LTA4H: variants seen among roughly 807,000 people sequenced by gnomAD.
LTA4H encodes the protein leukotriene A4 hydrolase, also known as leukotriene A-4 hydrolase.
In LTA4H, 59 loss-of-function variants were observed where a neutral mutation model predicts 89.8. That is an observed-to-expected ratio of 0.66 (90% CI 0.53 to 0.82). LTA4H has a LOEUF of 0.82. LTA4H is among the 40% of genes least tolerant of loss of function. LTA4H has a pLI of 0.00. For missense variants in LTA4H, 617 were observed against 727.0 expected (o/e 0.85, Z 1.74); for synonymous variants, 227 against 253.1 (o/e 0.90, Z 0.98).
intron 10 of LTA4H, 85 bp from the exon 11 acceptor site, chr12:96,015,779 C>G (rs1950365527): frequency 1.1e-6 from 1 of 943,050 alleles, no homozygotes; most frequent in South Asian, 1.5e-5. Flanking sequence ...TTTGGCTTTT[C>G]TACAGAGGAA....
exon 1 of LTA4H, chr12:96,043,330 G>A: frequency 6.5e-7 from 1 of 1,535,478 alleles, no homozygotes; most frequent in Non-Finnish European, 8.7e-7. Context: ...ACTGGGATAT[G>A]CATGGTCGGT....
rs1950488126 is a variant in LTA4H at position 96,024,348 on chromosome 12, ATAT to A, written c.480+128_480+130del. On this transcript the variant is annotated intron_variant, in intron 4 of 18. Coordinates refer to ENST00000228740, the MANE Select transcript of LTA4H (RefSeq NM_000895.3). The stretch of plus-strand genomic sequence containing the variant: ...TGAGTGCCACAGCCTCTTTGTTTAC[ATAT>A]TTCAGGTAGAATTTCATTAAGAAAA... The A allele has an allele frequency of 3.8e-5, 21 of 552,812 alleles. 2 individuals carry two copies. The South Asian group carries it at 5.0e-4, about 13-fold the overall frequency. 34.2% of individuals were successfully genotyped at this position (552,812 alleles called of 1,614,324 possible). A position where few individuals can be genotyped will look rare whatever the true frequency, so the allele number is the denominator to read the frequency against.
chr12:96,024,472 T>A lies in LTA4H; in HGVS notation c.480+7A>T, dbSNP rs201249925. 1 of 1,560,890 alleles carries A rather than the reference T, an allele frequency of 6.4e-7. No homozygotes were observed. The highest frequency in any genetic ancestry group is 1.4e-5 in the African/African-American group (1 of 74,012). ...ATTTAATTGAGTTAATAATTCGTAA[T>A]ATTTACCTCTGCAGTATAGGTTAAT... On this transcript the variant is annotated splice_region_variant and intron_variant, in intron 4 of 18. Transcript: ENST00000228740.
intron 17 of LTA4H, 94 bp downstream of exon 17, chr12:96,003,744 C>G: frequency 1.4e-6 from 1 of 715,970 alleles, no homozygotes; most frequent in Non-Finnish European, 2.3e-6. Flanking sequence ...TCTCAAGACT[C>G]AAGTATGTCT....
chr12:96,017,165 T>C, intron 9 of LTA4H, 51 bp from the exon 10 acceptor site: 1 of 1,234,822 alleles, frequency 8.1e-7, no homozygotes, highest in Non-Finnish European at 1.2e-6. Flanking sequence ...TAACCTAAAA[T>C]AACCCATTCT....
At chr12:96,040,491 G>A (rs991358343), upstream of LTA4H, among the ~76,000 whole-genome samples, 1 of 152,136 alleles carries the variant, frequency 6.6e-6, no homozygotes, top group East Asian at 1.9e-4. Flanking sequence ...GCATGTAAGT[G>A]GAATTGTCAA....
intron 6 of LTA4H, among the ~76,000 whole-genome samples, chr12:96,019,721 A>G (rs1950429556): frequency 6.7e-6 from 1 of 148,786 alleles, no homozygotes; most frequent in Non-Finnish European, 1.5e-5. Context: ...CCTCCCTAGT[A>G]GCTGGGACTA....
intron 5 of LTA4H, among the ~76,000 whole-genome samples, chr12:96,021,459 G>A (rs565936043): frequency 4.4e-4 from 67 of 152,214 alleles, no homozygotes; most frequent in Admixed American, 1.2e-3. Flanking sequence ...TACAGGAAGC[G>A]CATTTCCCAT....
upstream of LTA4H, among the ~76,000 whole-genome samples, chr12:96,036,907 G>T (rs1950652413): frequency 6.6e-6 from 1 of 152,152 alleles, no homozygotes; most frequent in Non-Finnish European, 1.5e-5. Flanking sequence ...TGAAGAAGGG[G>T]CAGGCCTCTA....
At chr12:96,018,473 C>CG (rs1013079224) in intron 8 of LTA4H, among the ~76,000 whole-genome samples, 2 of 151,946 alleles carry the variant, frequency 1.3e-5, no homozygotes, top group African/African-American at 2.4e-5. Flanking sequence ...CGCTTGAACC[C>CG]GGGGGCAGAG....
At chr12:96,027,616 A>C (rs1384862972) in intron 2 of LTA4H, 52 bp from the exon 3 acceptor site, 1 of 1,178,824 alleles carries the variant, frequency 8.5e-7, no homozygotes, top group Admixed American at 2.1e-5. Context: ...TCTAGTGAAA[A>C]TTTAAACTCA....
intron 1 of LTA4H, among the ~76,000 whole-genome samples, chr12:96,033,224 T>TA (rs1444158015): frequency 6.6e-6 from 1 of 152,222 alleles, no homozygotes; most frequent in African/African-American, 2.4e-5. Flanking sequence ...GTTTATAATT[T>TA]AATTTTTTTA....
At chr12:96,016,952 G>T in intron 10 of LTA4H, 92 bp downstream of exon 10, 1 of 831,726 alleles carries the variant, frequency 1.2e-6, no homozygotes, top group Non-Finnish European at 2.0e-6. Context: ...AGAAAAACAA[G>T]AGATACACAC....
In LTA4H at chr12:96,006,338, C is replaced by T. The variant is rs1950201486; in HGVS notation, c.1506G>A (p.Glu502=). The part of the protein sequence containing the change: ...LKDLSSHQLN[E]FLAQTLQRAP... ...CCCTCTGGAGCGTCTGTGCTAAAAACTCATTCAATTGATGAGAAGAGAGAT... is the reference window on the plus strand; with the variant it reads ...CCCTCTGGAGCGTCTGTGCTAAAAATTCATTCAATTGATGAGAAGAGAGAT... The change falls in exon 16 of 19, where the codon GAG becomes GAA. Residue 502 remains glutamate (E), a synonymous_variant. Transcript: ENST00000228740. 6.2e-7 allele frequency: 1 copy of T among 1,610,772 alleles called. No homozygotes were observed. Among genetic ancestry groups the T allele is most frequent in the Non-Finnish European group, 8.5e-7 (1 of 1,178,262 alleles).
rs146298679 is a variant in LTA4H at position 96,012,766 on chromosome 12, T to A, written c.1379+422A>T. ...TGGAGGCAATAAGACTGCCAGGGTT[T>A]GAATCTCAACTTTTACTACTCACTA... On this transcript the variant is annotated intron_variant, in intron 14 of 18. Coordinates refer to ENST00000228740, the MANE Select transcript of LTA4H (RefSeq NM_000895.3). The A allele has an allele frequency of 5.0e-3, 799 of 160,464 alleles. 7 individuals carry two copies. The highest frequency in any genetic ancestry group is 6.1e-3 in the Non-Finnish European group (443 of 72,682). 9.9% of individuals were successfully genotyped at this position (160,464 alleles called of 1,614,324 possible). A position where few individuals can be genotyped will look rare whatever the true frequency, so the allele number is the denominator to read the frequency against.
intron 12 of LTA4H, 35 bp from the exon 13 acceptor site, chr12:96,013,888 A>G: frequency 2.1e-6 from 2 of 949,382 alleles, no homozygotes; most frequent in Non-Finnish European, 3.3e-6. Context: ...CAATTCATAG[A>G]AAGGTAATTA....
chr12:96,035,439 G>C lies in LTA4H; in HGVS notation c.81C>G (p.Ser27Arg), dbSNP rs374916166. The change falls in exon 1 of 19, where the codon AGC (serine) becomes AGG (arginine). Residue 27 changes from serine to arginine, a missense_variant. Around this residue, in one of 3 missense-constraint regions of LTA4H, gnomAD observed 155 missense variants for 143.3 expected, o/e 1.08. Transcript: ENST00000228740. ...CRTKHLHLRC[S>R]VDFTRRTLTG... ...TCAGCGTCCGGCGAGTAAAGTCGAC[G>C]CTGCAGCGCAGGTGCAGGTGCTTGG... is the stretch of plus-strand genomic sequence containing the variant. The C allele has an allele frequency of 6.2e-7, 1 of 1,610,030 alleles. No individual in the cohort carries two copies. The highest frequency in any genetic ancestry group is 1.3e-5 in the African/African-American group (1 of 74,852).
chr12:96,042,591 A>T (rs1950696248), intron 1 of LTA4H, among the ~76,000 whole-genome samples: 1 of 152,204 alleles, frequency 6.6e-6, no homozygotes, highest in African/African-American at 2.4e-5. Context: ...GACCTTAGTT[A>T]TAGACGGAAA....
At chr12:96,016,949 C>T in intron 10 of LTA4H, 95 bp downstream of exon 10, 1 of 808,676 alleles carries the variant, frequency 1.2e-6, no homozygotes, top group Non-Finnish European at 2.1e-6. Flanking sequence ...CAAAGAAAAA[C>T]AAGAGATACA....
Sources: gnomAD v4.1 joint callset for allele counts (sites outside exome capture counted in the v4.1 genomes callset) on GRCh38, gnomAD v4.1.1 for gene constraint, gnomAD v4.1.1 regional missense constraint, MANE v1.5 for transcripts, NCBI Gene and HGNC (gene_info 2026-07-23, HGNC 2026-07-21) for gene names.